Variants in ADIG observed in about 807,000 individuals in gnomAD.
ADIG encodes adipogenin.
In ADIG, 12 loss-of-function variants were observed where a neutral mutation model predicts 10.7. The observed-to-expected ratio is 1.12, with a 90% confidence interval of 0.72 to 1.82. ADIG has a LOEUF of 1.82. ADIG is among the 40% of genes most tolerant of loss of function. The probability of loss-of-function intolerance (pLI) is 0.00; values close to 1 mark genes in which losing one functional copy is unlikely to be tolerated. For synonymous variants in ADIG, 32 were observed against 35.6 expected (o/e 0.90, Z 0.36); for missense variants, 72 against 92.5 (o/e 0.78, Z 0.91).
At chr20:38,587,894 C>T (rs1483213075) in intron 2 of ADIG, among the ~76,000 whole-genome samples, 3 of 152,120 alleles carry the variant, frequency 2.0e-5, no homozygotes, top group African/African-American at 4.8e-5. Flanking sequence ...CATGCCATCA[C>T]GCCCGGCTAA....
In ADIG at chr20:38,581,390, C is replaced by T. The variant is rs770115469; in HGVS notation, c.124+16C>T. 2.7e-5 allele frequency: 43 copies of T among 1,613,656 alleles called. No homozygotes were observed. The highest frequency in any genetic ancestry group is 5.0e-5 in the Admixed American group (3 of 60,010). On this transcript the variant is annotated intron_variant, in intron 1 of 2. Coordinates refer to ENST00000537425, the MANE Select transcript of ADIG (RefSeq NM_001393816.1). ...CTTAGCCAAGGTGAGCTTCTTACCC[C>T]GTCCAGGCAGGACCCTAATCCTGGA...
chr20:38,582,841 G>A (rs529591626), intron 1 of ADIG, among the ~76,000 whole-genome samples: 2 of 152,010 alleles, frequency 1.3e-5, no homozygotes, highest in South Asian at 4.2e-4. Context: ...TTTTGAAACA[G>A]AGTCTTACTC....
intron 1 of ADIG, among the ~76,000 whole-genome samples, chr20:38,583,574 A>G (rs567716352): frequency 1.3e-5 from 2 of 152,362 alleles, no homozygotes; most frequent in African/African-American, 2.4e-5. Flanking sequence ...AGTCCAGCCA[A>G]TGCTGGTTTT....
intron 1 of ADIG, among the ~76,000 whole-genome samples, chr20:38,584,084 C>T (rs111652712): frequency 0.03 from 4,560 of 152,172 alleles, 91 homozygotes; most frequent in African/African-American, 0.06. Flanking sequence ...TCCTCCCCAC[C>T]ACCCCCCAAC....
intron 1 of ADIG, among the ~76,000 whole-genome samples, chr20:38,581,981 G>C (rs1024381452): frequency 6.6e-6 from 1 of 152,218 alleles, no homozygotes; most frequent in Non-Finnish European, 1.5e-5. Flanking sequence ...ATGCCACCAA[G>C]AGGAGCAAGA....
chr20:38,587,685 A>G (rs921691724), intron 2 of ADIG, among the ~76,000 whole-genome samples: 3 of 57,522 alleles, frequency 5.2e-5, no homozygotes, highest in Non-Finnish European at 7.8e-5. Flanking sequence ...CCATTTATGC[A>G]TAGCCCTTCC....
At position 38,588,414 on chromosome 20, in the gene ADIG, A is replaced by T; in HGVS notation, c.*328A>T. 2 of 1,227,278 alleles carry T rather than the reference A, an allele frequency of 1.6e-6. No individual in the cohort carries two copies. The highest frequency in any genetic ancestry group is 2.1e-6 in the Non-Finnish European group (2 of 953,152). The allele number at this position is 1,227,278 out of a possible 1,614,324, so 76.0% of individuals were successfully genotyped here. A position where few individuals can be genotyped will look rare whatever the true frequency, so the allele number is the denominator to read the frequency against. ...GCTGGGCCGGAGGGTGTGGGTCCAT[A>T]TTAAAGAAGCAAGGGTCTTCCCATA... is the stretch of plus-strand genomic sequence containing the variant. On this transcript the variant is annotated 3_prime_UTR_variant, in exon 3 of 3. Transcript: ENST00000537425.
At chr20:38,585,044 G>A (rs2088624199) in intron 1 of ADIG, among the ~76,000 whole-genome samples, 1 of 152,186 alleles carries the variant, frequency 6.6e-6, no homozygotes, top group African/African-American at 2.4e-5. Context: ...CAAAGTGCTG[G>A]GATTACAGGC....
At chr20:38,587,740 CTTTTTT>C (rs11477039) in intron 2 of ADIG, among the ~76,000 whole-genome samples, 1 of 127,366 alleles carries the variant, frequency 7.9e-6, no homozygotes, top group Non-Finnish European at 1.7e-5. Flanking sequence ...TCTTTTTTCC[CTTTTTT>C]TTTTTTTTTG....
chr20:38,584,708 A>G (rs2088619716), intron 1 of ADIG, among the ~76,000 whole-genome samples: 1 of 152,228 alleles, frequency 6.6e-6, no homozygotes, highest in Non-Finnish European at 1.5e-5. Context: ...TGAATGTAAC[A>G]ACACTTTGCA....
chr20:38,587,261 G>GT (rs2088645720), intron 2 of ADIG, among the ~76,000 whole-genome samples: 2 of 152,216 alleles, frequency 1.3e-5, no homozygotes. Flanking sequence ...GCCTTTCTCT[G>GT]CCCTACTCTG....
At position 38,588,394 on chromosome 20, in the gene ADIG, G is replaced by A. The variant is rs1350169504; in HGVS notation, c.*308G>A. The A allele has an allele frequency of 2.4e-6, 3 of 1,260,998 alleles. No individual in the cohort carries two copies. The highest frequency in any genetic ancestry group is 2.7e-5 in the South Asian group (2 of 72,892). 78.1% of individuals were successfully genotyped at this position (1,260,998 alleles called of 1,614,324 possible). A position where few individuals can be genotyped will look rare whatever the true frequency, so the allele number is the denominator to read the frequency against. ...CAGAGGGGTCTTAAAGCAGGGCTGG[G>A]CCGGAGGGTGTGGGTCCATATTAAA... On this transcript the variant is annotated 3_prime_UTR_variant, in exon 3 of 3. Coordinates refer to ENST00000537425, the MANE Select transcript of ADIG (RefSeq NM_001393816.1).
chr20:38,585,884 C>G lies in ADIG; in HGVS notation c.125-145C>G, dbSNP rs1047785259. The G allele has an allele frequency of 3.8e-6, 3 of 784,930 alleles. No individual in the cohort carries two copies. In the African/African-American group the frequency reaches 5.2e-5, roughly 14 times the overall value. 48.6% of individuals were successfully genotyped at this position (784,930 alleles called of 1,614,324 possible). ...AGGCCCTGAAGTCTTCCTGAGGCCT[C>G]AAGGCTGGCTCATAGGATTCTGCCT... On this transcript the variant is annotated intron_variant, in intron 1 of 2. Transcript: ENST00000537425.
At chr20:38,583,275 T>G (rs2088604380) in intron 1 of ADIG, among the ~76,000 whole-genome samples, 1 of 152,206 alleles carries the variant, frequency 6.6e-6, no homozygotes, top group Admixed American at 6.5e-5. Flanking sequence ...TTGGGGAAAC[T>G]GAGGCTAGGA....
Position 38,584,918 on chromosome 20 carries a change from C to T in ADIG, c.125-1111C>T, listed in dbSNP as rs533781126. ...TCAACCTCCTGAGCAGCTGGGACTA[C>T]AGGTGCGCACCACCACGCCCAGCTA... On this transcript the variant is annotated intron_variant, in intron 1 of 2. Transcript: ENST00000537425. 5.3e-5 allele frequency among the ~76,000 whole-genome samples: 8 copies of T among 152,324 alleles called. 1 individual carries two copies. Among genetic ancestry groups the T allele is most frequent in the Admixed American group, 1.3e-4 (2 of 15,302 alleles).
chr20:38,583,889 A>T (rs2088609630), intron 1 of ADIG, among the ~76,000 whole-genome samples: 1 of 152,224 alleles, frequency 6.6e-6, no homozygotes, highest in Non-Finnish European at 1.5e-5. Context: ...TCCGTCTTCT[A>T]AAACTCCCAG....
At position 38,588,441 on chromosome 20, in the gene ADIG, C is replaced by A. The variant is rs1167658415; in HGVS notation, c.*355C>A. The A allele has an allele frequency of 6.6e-6, 8 of 1,210,680 alleles. No individual in the cohort carries two copies. Among genetic ancestry groups the A allele is most frequent in the Non-Finnish European group, 7.4e-6 (7 of 945,172 alleles). The allele number at this position is 1,210,680 out of a possible 1,614,324, so 75.0% of individuals were successfully genotyped here. On this transcript the variant is annotated 3_prime_UTR_variant, in exon 3 of 3. Coordinates refer to ENST00000537425, the MANE Select transcript of ADIG (RefSeq NM_001393816.1). ...TAAAGAAGCAAGGGTCTTCCCATAC[C>A]CGGGGGACCCCTGACAAACCTACCA...
rs555524035 is a variant in ADIG, at chr20:38,586,470, G to A, written c.*14+309G>A. 8.6e-4 allele frequency among the ~76,000 whole-genome samples: 131 copies of A among 152,112 alleles called. 1 individual carries two copies. Among genetic ancestry groups the A allele is most frequent in the Non-Finnish European group, 1.4e-3 (98 of 68,020 alleles). On this transcript the variant is annotated intron_variant, in intron 2 of 2. Transcript: ENST00000537425. ...GCCAGCTGTTCCCTCAGACGTCTGC[G>A]TGGGGCACTCCCTCCCCTCTGAGGG...
rs1176436949 is a variant in ADIG at position 38,588,098 on chromosome 20, T to C, written c.*15-3T>C. On this transcript the variant is annotated splice_polypyrimidine_tract_variant and splice_region_variant and intron_variant, in intron 2 of 2. Coordinates refer to ENST00000537425, the MANE Select transcript of ADIG (RefSeq NM_001393816.1). ...CTAGTCCCAACCTTCCTTTTGTTTC[T>C]AGTTTGGTTTTCCTGGAGTCAGCAG... is the stretch of plus-strand genomic sequence containing the variant. The C allele has an allele frequency of 2.3e-6, 3 of 1,296,526 alleles. No individual in the cohort carries two copies. The highest frequency in any genetic ancestry group is 5.6e-5 in the East Asian group (1 of 17,970). The allele number at this position is 1,296,526 out of a possible 1,614,324, so 80.3% of individuals were successfully genotyped here.
Sources: gnomAD v4.1 joint callset for allele counts (sites outside exome capture counted in the v4.1 genomes callset) on GRCh38, gnomAD v4.1.1 for gene constraint, MANE v1.5 for transcripts, NCBI Gene and HGNC (gene_info 2026-07-23, HGNC 2026-07-21) for gene names.